Variants in HES1 observed in about 807,000 individuals in gnomAD.
The protein encoded by HES1 is hes family bHLH transcription factor 1.
A neutral mutation model predicts 21.0 loss-of-function variants in HES1; 7 were observed. That is an observed-to-expected ratio of 0.33 (90% CI 0.19 to 0.63). The LOEUF is 0.63. HES1 is among the 20% of genes least tolerant of loss of function. HES1 has a pLI of 0.78. For synonymous variants in HES1, 169 were observed against 171.2 expected, an observed-to-expected ratio of 0.99 and a Z score of 0.10; for missense variants, 338 against 389.8, an observed-to-expected ratio of 0.87 and a Z score of 1.12.
chr3:194,138,332 T>C lies in HES1; in HGVS notation c.*99T>C. On this transcript the variant is annotated 3_prime_UTR_variant, in exon 4 of 4. Coordinates refer to ENST00000232424, the MANE Select transcript of HES1 (RefSeq NM_005524.4). ...GAATACTGGGAGAGAAGAGGACTTT[T>C]TTGATTAAGTGGTTACTTTGTGTTT... 1 of 1,228,746 alleles carries C rather than the reference T, an allele frequency of 8.1e-7. No homozygotes were observed. The highest frequency in any genetic ancestry group is 1.1e-6 in the Non-Finnish European group (1 of 930,586). The allele number at this position is 1,228,746 out of a possible 1,614,324, so 76.1% of individuals were successfully genotyped here.
chr3:194,136,817 T>G, intron 2 of HES1, 105 bp downstream of exon 2: 1 of 1,369,244 alleles, frequency 7.3e-7, no homozygotes, highest in Non-Finnish European at 1.0e-6. Flanking sequence ...TCGCTGGTAC[T>G]GCGTTCTCCC....
In HES1 at chr3:194,136,978, G is replaced by A. The variant is rs1388128095; in HGVS notation, c.222G>A (p.Lys74=). ...ALKKDSSRHS[K]LEKADILEMT... is the part of the protein sequence containing the mutation. Reference sequence around the variant, plus strand: ...CTATGCAGAGCTCGCGGCATTCCAAGCTGGAGAAGGCGGACATTCTGGAAA... The same window carrying A: ...CTATGCAGAGCTCGCGGCATTCCAAACTGGAGAAGGCGGACATTCTGGAAA... Residue 74 remains lysine, a synonymous_variant, in exon 3 of 4, where the codon AAG becomes AAA. Transcript: ENST00000232424. The A allele has an allele frequency of 1.9e-6, 3 of 1,614,110 alleles. No homozygotes were observed. The highest frequency in any genetic ancestry group is 3.3e-5 in the Admixed American group (2 of 60,016).
intron 1 of HES1, 39 bp from the exon 2 acceptor site, chr3:194,136,578 G>T: frequency 1.3e-6 from 2 of 1,580,272 alleles, no homozygotes; most frequent in African/African-American, 1.4e-5. Flanking sequence ...CGGGATGGCA[G>T]ATTCCATGGG....
chr3:194,137,155 C>T lies in HES1; in HGVS notation c.292+107C>T, dbSNP rs1025385004. On this transcript the variant is annotated intron_variant, in intron 3 of 3. Transcript: ENST00000232424. This position sits in a 1 kb window ranked among gnomAD's most constrained non-coding sequence, Gnocchi z 5.4. ...GTGAGAGGCATTCAGCTACATTTTA[C>T]TGCCTTGGCTCACTCTTGCGTTCCC... 1.2e-5 allele frequency: 11 copies of T among 905,616 alleles called. No homozygotes were observed. In the South Asian group the frequency reaches 1.2e-4, roughly 10 times the overall value. 56.1% of individuals were successfully genotyped at this position (905,616 alleles called of 1,614,324 possible).
rs1715406194 is a variant in HES1 at position 194,138,619 on chromosome 3, C to T, written c.*386C>T. The T allele has an allele frequency of 6.1e-6, 1 of 163,208 alleles. No homozygotes were observed. Among genetic ancestry groups the T allele is most frequent in the South Asian group, 2.0e-4 (1 of 4,940 alleles). 10.1% of individuals were successfully genotyped at this position (163,208 alleles called of 1,614,324 possible). A position where few individuals can be genotyped will look rare whatever the true frequency, so the allele number is the denominator to read the frequency against. ...AAAAAAGTAAAGGCTTTTATGTCTT[C>T]GAACTGATTCTTCCAGAATATGTAA... On this transcript the variant is annotated 3_prime_UTR_variant, in exon 4 of 4. Transcript: ENST00000232424.
chr3:194,136,229 C>T lies in HES1; in HGVS notation c.-152C>T, dbSNP rs894725678. On this transcript the variant is annotated 5_prime_UTR_variant, in exon 1 of 4. Transcript: ENST00000232424. ...TTGGTCCTGGAACAGCGCTACTGAT[C>T]ACCAAGTAGCCACAAAATATAATAA... The T allele has an allele frequency of 6.2e-5, 38 of 608,944 alleles. No homozygotes were observed. Among genetic ancestry groups the T allele is most frequent in the Non-Finnish European group, 1.0e-4 (34 of 340,194 alleles). 37.7% of individuals were successfully genotyped at this position (608,944 alleles called of 1,614,324 possible). A position where few individuals can be genotyped will look rare whatever the true frequency, so the allele number is the denominator to read the frequency against.
chr3:194,137,981 TC>T lies in HES1; in HGVS notation c.594del (p.Gly199AlafsTer117). The T allele has an allele frequency of 7.4e-7, 1 of 1,349,022 alleles. No individual in the cohort carries two copies. The highest frequency in any genetic ancestry group is 1.8e-5 in the South Asian group (1 of 55,278). 83.6% of individuals were successfully genotyped at this position (1,349,022 alleles called of 1,614,324 possible). ...VPIPGGAAPP[P>X]GGAPCKLGSQ... Reference sequence around the variant, plus strand: ...CCATCCCCGGGGGCGCGGCGCCCCCTCCCGGCGGCGCCCCCTGCAAGCTGGG... The same window carrying T: ...CCATCCCCGGGGGCGCGGCGCCCCCTCCGGCGGCGCCCCCTGCAAGCTGGG... On this transcript the variant is annotated frameshift_variant, in exon 4 of 4. Transcript: ENST00000232424. LOFTEE classifies it high-confidence loss of function. The surrounding 1 kb of genome is among the most constrained non-coding windows in gnomAD (Gnocchi z 5.4).
At position 194,137,079 on chromosome 3, in the gene HES1, G is replaced by T. The variant is rs775921226; in HGVS notation, c.292+31G>T. The T allele has an allele frequency of 8.2e-6, 13 of 1,580,256 alleles. No individual in the cohort carries two copies. Among genetic ancestry groups the T allele is most frequent in the Non-Finnish European group, 1.0e-5 (12 of 1,149,634 alleles). On this transcript the variant is annotated intron_variant, in intron 3 of 3. Transcript: ENST00000232424. This position sits in a 1 kb window ranked among gnomAD's most constrained non-coding sequence, Gnocchi z 5.4. ...GGCGGCTCGCCGCGTCCCCCTGTGC[G>T]GGCGTCCCGCTCGCCTCGCGGTGAT...
Position 194,136,323 on chromosome 3 carries a change from T to C in HES1, c.-58T>C. The C allele has an allele frequency of 9.2e-7, 1 of 1,086,666 alleles. No individual in the cohort carries two copies. The highest frequency in any genetic ancestry group is 1.3e-6 in the Non-Finnish European group (1 of 753,364). The allele number at this position is 1,086,666 out of a possible 1,614,324, so 67.3% of individuals were successfully genotyped here. A position where few individuals can be genotyped will look rare whatever the true frequency, so the allele number is the denominator to read the frequency against. On this transcript the variant is annotated 5_prime_UTR_variant, in exon 1 of 4. Coordinates refer to ENST00000232424, the MANE Select transcript of HES1 (RefSeq NM_005524.4). ...AAGAGACACAAACAAAAAATTCTTT[T>C]TCGTGAAGAACTCCAAAAATAAAAT...
Position 194,137,489 on chromosome 3 carries a change from T to C in HES1, c.293-194T>C, listed in dbSNP as rs1715373599. On this transcript the variant is annotated intron_variant, in intron 3 of 3. Coordinates refer to ENST00000232424, the MANE Select transcript of HES1 (RefSeq NM_005524.4). This position sits in a 1 kb window ranked among gnomAD's most constrained non-coding sequence, Gnocchi z 5.4. ...GCAGCTACAGGGAATCGGGAAGGAG[T>C]GGCTCGGCTTTTGGCAGCAACGCTA... Among the ~76,000 whole-genome samples, 1 of 151,744 alleles carries C rather than the reference T, an allele frequency of 6.6e-6. No homozygotes were observed. The highest frequency in any genetic ancestry group is 1.5e-5 in the Non-Finnish European group (1 of 67,912).
rs771809938 is a variant in HES1 at position 194,138,059 on chromosome 3, G to A, written c.669G>A (p.Pro223=). The A allele has an allele frequency of 2.5e-6, 4 of 1,609,074 alleles. No homozygotes were observed. The South Asian group carries it at 3.3e-5, about 13-fold the overall frequency. ...AKVFGGFQVV[P]APDGQFAFLI... ...TGTTTGGAGGCTTCCAGGTGGTACC[G>A]GCTCCCGATGGCCAGTTTGCTTTCC... Residue 223 remains proline (P), a synonymous_variant, in exon 4 of 4, where the codon CCG becomes CCA. Transcript: ENST00000232424.
At position 194,136,359 on chromosome 3, in the gene HES1, T is replaced by TAAAAAAA; in HGVS notation, c.-12_-6dup. 18 of 1,164,936 alleles carry TAAAAAAA rather than the reference T, an allele frequency of 1.5e-5. No homozygotes were observed. The highest frequency in any genetic ancestry group is 1.8e-5 in the Non-Finnish European group (15 of 847,052). 72.2% of individuals were successfully genotyped at this position (1,164,936 alleles called of 1,614,324 possible). ...CTCCAAAAATAAAATTCTCTAGAGA[T>TAAAAAAA]AAAAAAAAAAAAAAAAGGAAAATGC... is the stretch of plus-strand genomic sequence containing the variant. On this transcript the variant is annotated 5_prime_UTR_variant, in exon 1 of 4. Transcript: ENST00000232424.
chr3:194,136,321 T>C lies in HES1; in HGVS notation c.-60T>C. 9.3e-7 allele frequency: 1 copy of C among 1,072,116 alleles called. No homozygotes were observed. The highest frequency in any genetic ancestry group is 1.4e-6 in the Non-Finnish European group (1 of 739,662). 66.4% of individuals were successfully genotyped at this position (1,072,116 alleles called of 1,614,324 possible). The stretch of plus-strand genomic sequence containing the variant: ...AAAAGAGACACAAACAAAAAATTCT[T>C]TTTCGTGAAGAACTCCAAAAATAAA... On this transcript the variant is annotated 5_prime_UTR_variant, in exon 1 of 4. Coordinates refer to ENST00000232424, the MANE Select transcript of HES1 (RefSeq NM_005524.4).
In HES1 at chr3:194,136,159, G is replaced by A; in HGVS notation, c.-222G>A. 2.1e-6 allele frequency: 1 copy of A among 487,372 alleles called. No homozygotes were observed. Among genetic ancestry groups the A allele is most frequent in the Non-Finnish European group, 3.7e-6 (1 of 272,448 alleles). The allele number at this position is 487,372 out of a possible 1,614,324, so 30.2% of individuals were successfully genotyped here. ...AGGGCCTAGGGATCACACAGGATCC[G>A]GAGCTGGTGCTGATAACAGCGGAAT... On this transcript the variant is annotated 5_prime_UTR_variant, in exon 1 of 4. Coordinates refer to ENST00000232424, the MANE Select transcript of HES1 (RefSeq NM_005524.4).
In HES1 at chr3:194,137,873, C is replaced by G; in HGVS notation, c.483C>G (p.Pro161=). ...TGACCTACCCCGGGCAGCCGCACCC[C>G]GCCTTGCAGGCGCCGCCACCGCCCC... is the stretch of plus-strand genomic sequence containing the variant. The part of the protein sequence containing the change: ...NAMTYPGQPH[P]ALQAPPPPPP... Residue 161 remains proline, a synonymous_variant, in exon 4 of 4, where the codon CCC becomes CCG. Transcript: ENST00000232424. The surrounding 1 kb of genome is among the most constrained non-coding windows in gnomAD (Gnocchi z 5.4). 1.3e-6 allele frequency: 2 copies of G among 1,502,904 alleles called. No homozygotes were observed. The highest frequency in any genetic ancestry group is 1.8e-6 in the Non-Finnish European group (2 of 1,120,494). 93.1% of individuals were successfully genotyped at this position (1,502,904 alleles called of 1,614,324 possible).
chr3:194,137,664 G>C lies in HES1; in HGVS notation c.293-19G>C. On this transcript the variant is annotated intron_variant, in intron 3 of 3. Transcript: ENST00000232424. The surrounding 1 kb of genome is among the most constrained non-coding windows in gnomAD (Gnocchi z 5.4). ...GCCAGGGCCGTTCGGTGACCCGTCTGTCTCTTTCTGGCCCGCAGCTGCGCT... is the reference window on the plus strand; with the variant it reads ...GCCAGGGCCGTTCGGTGACCCGTCTCTCTCTTTCTGGCCCGCAGCTGCGCT... 3 of 1,561,658 alleles carry C rather than the reference G, an allele frequency of 1.9e-6. No homozygotes were observed. The highest frequency in any genetic ancestry group is 1.7e-5 in the Admixed American group (1 of 57,318).
rs370532968 is a variant in HES1 at position 194,137,646 on chromosome 3, C to T, written c.293-37C>T. 1.3e-6 allele frequency: 2 copies of T among 1,544,446 alleles called. No individual in the cohort carries two copies. Among genetic ancestry groups the T allele is most frequent in the South Asian group, 1.3e-5 (1 of 79,518 alleles). ...GGAGGCAGTGGCCACGGGGCCAGGG[C>T]CGTTCGGTGACCCGTCTGTCTCTTT... On this transcript the variant is annotated intron_variant, in intron 3 of 3. Coordinates refer to ENST00000232424, the MANE Select transcript of HES1 (RefSeq NM_005524.4). This position sits in a 1 kb window ranked among gnomAD's most constrained non-coding sequence, Gnocchi z 5.4.
Position 194,138,463 on chromosome 3 carries a change from G to A in HES1, c.*230G>A. The stretch of plus-strand genomic sequence containing the variant: ...TATGTTCATATTGGATTGCGCCTTT[G>A]TATTATAAAAGCTCAGATGACATTT... On this transcript the variant is annotated 3_prime_UTR_variant, in exon 4 of 4. Coordinates refer to ENST00000232424, the MANE Select transcript of HES1 (RefSeq NM_005524.4). 2.5e-6 allele frequency: 1 copy of A among 394,012 alleles called. No homozygotes were observed. 24.4% of individuals were successfully genotyped at this position (394,012 alleles called of 1,614,324 possible). A position where few individuals can be genotyped will look rare whatever the true frequency, so the allele number is the denominator to read the frequency against.
Position 194,137,870 on chromosome 3 carries a change from C to T in HES1, c.480C>T (p.His160=), listed in dbSNP as rs1434700885. 9 of 1,507,524 alleles carry T rather than the reference C, an allele frequency of 6.0e-6. 1 individual carries two copies. The South Asian group carries it at 1.1e-4, about 18-fold the overall frequency. 93.4% of individuals were successfully genotyped at this position (1,507,524 alleles called of 1,614,324 possible). A position where few individuals can be genotyped will look rare whatever the true frequency, so the allele number is the denominator to read the frequency against. ...INAMTYPGQP[H]PALQAPPPPP... The stretch of plus-strand genomic sequence containing the variant: ...CCATGACCTACCCCGGGCAGCCGCA[C>T]CCCGCCTTGCAGGCGCCGCCACCGC... Residue 160 remains histidine (H), a synonymous_variant, in exon 4 of 4, where the codon CAC becomes CAT. Transcript: ENST00000232424. The surrounding 1 kb of genome is among the most constrained non-coding windows in gnomAD (Gnocchi z 5.4).
Sources: gnomAD v4.1 joint callset for allele counts (sites outside exome capture counted in the v4.1 genomes callset) on GRCh38, gnomAD v4.1.1 for gene constraint, Gnocchi (gnomAD v3.1) non-coding constraint, MANE v1.5 for transcripts, NCBI Gene and HGNC (gene_info 2026-07-23, HGNC 2026-07-21) for gene names.